MYOCOS: variants seen among roughly 807,000 people sequenced by gnomAD.
MYOCOS encodes myocilin opposite strand, also known as myocilin opposite strand protein.
intron 2 of MYOCOS, among the ~76,000 whole-genome samples, chr1:171,625,172 T>A (rs1455425723): frequency 1.3e-5 from 2 of 152,126 alleles, no homozygotes; most frequent in Non-Finnish European, 2.9e-5. Context: ...ATACCACGGG[T>A]TTAGACCGTG....
At chr1:171,626,303 A>G (rs1432624874) in intron 2 of MYOCOS, among the ~76,000 whole-genome samples, 151 bp from the exon 3 acceptor site, 1 of 152,092 alleles carries the variant, frequency 6.6e-6, no homozygotes, top group Non-Finnish European at 1.5e-5. Context: ...GCTGGTCTTG[A>G]ACTCCTGGGC....
At chr1:171,607,470 T>C (rs566992956) in intron 1 of MYOCOS, among the ~76,000 whole-genome samples, 1 of 152,186 alleles carries the variant, frequency 6.6e-6, no homozygotes. Flanking sequence ...AAAACCCAAG[T>C]TGGTAAATAA....
intron 1 of MYOCOS, among the ~76,000 whole-genome samples, chr1:171,602,927 C>T (rs1044755692): frequency 6.6e-6 from 1 of 152,120 alleles, no homozygotes; most frequent in Non-Finnish European, 1.5e-5. Context: ...TCAAATATTC[C>T]ATCTGCACGT....
In MYOCOS at chr1:171,602,295, C is replaced by T. The variant is rs149467450; in HGVS notation, c.-252+1215C>T. Among the ~76,000 whole-genome samples the T allele has an allele frequency of 7.7e-3, 1,176 of 151,884 alleles. 14 individuals carry two copies. Among genetic ancestry groups the T allele is most frequent in the African/African-American group, 0.023 (958 of 41,444 alleles). ...GTATAATTTAAAAGTAATAAGGCCTCCTGAGTACTGTTTAAAAAAACAGTT... is the reference window on the plus strand; with the variant it reads ...GTATAATTTAAAAGTAATAAGGCCTTCTGAGTACTGTTTAAAAAAACAGTT... On this transcript the variant is annotated intron_variant, in intron 1 of 3. Transcript: ENST00000636697.
upstream of MYOCOS, among the ~76,000 whole-genome samples, chr1:171,619,790 C>A (rs893916858): frequency 6.7e-6 from 1 of 149,180 alleles, no homozygotes; most frequent in Non-Finnish European, 1.5e-5. Flanking sequence ...GAGCCGACAC[C>A]GCTGCATTCC....
upstream of MYOCOS, among the ~76,000 whole-genome samples, chr1:171,617,447 G>T (rs1169137995): frequency 6.6e-6 from 1 of 152,138 alleles, no homozygotes; most frequent in Non-Finnish European, 1.5e-5. Context: ...AAGCAGAGGG[G>T]TCTGAGAAAG....
chr1:171,611,878 A>T (rs147323119), intron 1 of MYOCOS, among the ~76,000 whole-genome samples: 3 of 152,152 alleles, frequency 2.0e-5, no homozygotes, highest in Admixed American at 2.0e-4. Context: ...CCTAAAAAAA[A>T]ATCTGACTGA....
intron 1 of MYOCOS, chr1:171,601,212 TA>T (rs1652135621): frequency 6.6e-6 from 1 of 152,306 alleles, no homozygotes; most frequent in African/African-American, 2.4e-5. Flanking sequence ...TTAGTAAGAC[TA>T]GTCTTTAGAA....
chr1:171,611,464 C>T (rs1652351492), intron 1 of MYOCOS, among the ~76,000 whole-genome samples: 1 of 152,174 alleles, frequency 6.6e-6, no homozygotes. Context: ...TTCTATTACT[C>T]ATTTGGTCAC....
upstream of MYOCOS, among the ~76,000 whole-genome samples, chr1:171,617,448 T>A (rs1311289202): frequency 6.6e-6 from 1 of 151,880 alleles, no homozygotes; most frequent in African/African-American, 2.4e-5. Context: ...AGCAGAGGGG[T>A]CTGAGAAAGA....
At chr1:171,614,498 G>GA (rs1229871524) in intron 1 of MYOCOS, among the ~76,000 whole-genome samples, 1 of 152,194 alleles carries the variant, frequency 6.6e-6, no homozygotes, top group African/African-American at 2.4e-5. Flanking sequence ...CAAGGGGGCT[G>GA]AGCCTTCATA....
intron 2 of MYOCOS, among the ~76,000 whole-genome samples, chr1:171,616,135 T>C (rs1652446718): frequency 6.6e-6 from 1 of 152,194 alleles, no homozygotes. Flanking sequence ...GAGAATCGCT[T>C]GAACCCCAGA....
intron 1 of MYOCOS, among the ~76,000 whole-genome samples, chr1:171,612,839 C>A (rs1445090443): frequency 2.0e-5 from 3 of 151,958 alleles, no homozygotes; most frequent in South Asian, 4.2e-4. Context: ...TCAAAAAAAA[C>A]AAAACAAAAC....
upstream of MYOCOS, among the ~76,000 whole-genome samples, chr1:171,618,408 C>T (rs539660289): frequency 1.2e-4 from 18 of 152,314 alleles, no homozygotes; most frequent in South Asian, 2.7e-3. Context: ...GAGTCACATT[C>T]GTGATAGCGA....
intron 1 of MYOCOS, among the ~76,000 whole-genome samples, chr1:171,609,982 T>C (rs1652326909): frequency 6.6e-6 from 1 of 152,214 alleles, no homozygotes; most frequent in South Asian, 2.1e-4. Context: ...TGGTTGTTAG[T>C]AGGCCTCAGC....
At chr1:171,607,943 T>C (rs1652281370) in intron 1 of MYOCOS, among the ~76,000 whole-genome samples, 1 of 152,130 alleles carries the variant, frequency 6.6e-6, no homozygotes, top group African/African-American at 2.4e-5. Flanking sequence ...CTCACAATCA[T>C]GGCAGAAGGC....
At chr1:171,626,179 C>T (rs1368244447) in intron 2 of MYOCOS, among the ~76,000 whole-genome samples, 2 of 152,140 alleles carry the variant, frequency 1.3e-5, no homozygotes, top group African/African-American at 4.8e-5. Context: ...ATCTCCCAGG[C>T]TCAAGTGATC....
chr1:171,620,236 A>G (rs1159011659), upstream of MYOCOS, among the ~76,000 whole-genome samples: 1 of 151,818 alleles, frequency 6.6e-6, no homozygotes, highest in African/African-American at 2.4e-5. Flanking sequence ...TTCCTATCTA[A>G]GGTGTCTGGG....
At chr1:171,611,524 A>G (rs1196676266) in intron 1 of MYOCOS, among the ~76,000 whole-genome samples, 3 of 152,150 alleles carry the variant, frequency 2.0e-5, no homozygotes, top group Admixed American at 6.5e-5. Flanking sequence ...TTACATTGTA[A>G]TTCTCCTATT....
Sources: allele counts gnomAD v4.1 joint callset (sites outside exome capture counted in the v4.1 genomes callset), GRCh38; gene constraint gnomAD v4.1.1; transcripts MANE v1.5; gene names NCBI Gene and HGNC (gene_info 2026-07-23, HGNC 2026-07-21).